Variants in AGAP1 observed in about 807,000 individuals in gnomAD.
The protein encoded by AGAP1 is ArfGAP with GTPase domain, ankyrin repeat and PH domain 1.
Under a neutral mutation model 105.3 loss-of-function variants are expected in AGAP1, and 29 were observed. The observed-to-expected ratio is 0.28, with a 90% CI of 0.21 to 0.38. AGAP1 has a LOEUF of 0.38. Among genes scored for constraint, AGAP1 ranks in the 10% least tolerant of loss-of-function variants. The pLI is 1.00. For missense variants in AGAP1, 998 were observed against 1,165.1 expected (o/e 0.86, Z 2.09); for synonymous variants, 509 against 485.9 (o/e 1.05, Z -0.63).
rs1473143416 is a variant in AGAP1 at position 235,700,755 on chromosome 2, G to A, written c.164-8424G>A. 2.6e-5 allele frequency among the ~76,000 whole-genome samples: 4 copies of A among 151,740 alleles called. No homozygotes were observed. The highest frequency in any genetic ancestry group is 2.1e-4 in the South Asian group (1 of 4,814). ...GCATAGGTTGCAGTGAGCCAAGATT[G>A]TGCCACTGCACTCCAGGCTGGGCGA... On this transcript the variant is annotated intron_variant, in intron 1 of 17. Transcript: ENST00000304032. This position sits in a 1 kb window ranked among gnomAD's most constrained non-coding sequence, Gnocchi z 6.1.
At chr2:235,548,229 A>G (rs1008087203) in intron 1 of AGAP1, among the ~76,000 whole-genome samples, 1 of 152,200 alleles carries the variant, frequency 6.6e-6, no homozygotes, top group African/African-American at 2.4e-5. Context: ...CCTGCACGCC[A>G]CACTGCTCTC....
chr2:235,765,279 GGTATCTGGGAGCGTCTGTGGGGTGGGC>G (rs1305224308), intron 6 of AGAP1, among the ~76,000 whole-genome samples: 1 of 148,910 alleles, frequency 6.7e-6, no homozygotes, highest in African/African-American at 2.5e-5. Context: ...TGGGGGTGGG[GGTATCTGGGAGCGTCTGTGGGGTGGGC>G]GTATCTGGGA....
At chr2:235,997,975 T>C (rs1346121263) in intron 13 of AGAP1, among the ~76,000 whole-genome samples, 1 of 152,226 alleles carries the variant, frequency 6.6e-6, no homozygotes, top group Non-Finnish European at 1.5e-5. Flanking sequence ...GTCACTGTTA[T>C]CTGCTGTTTT....
intron 1 of AGAP1, among the ~76,000 whole-genome samples, chr2:235,576,638 G>T (rs920216396): frequency 2.0e-5 from 3 of 152,208 alleles, no homozygotes; most frequent in Non-Finnish European, 4.4e-5. Context: ...GGCCGTTGAG[G>T]GCAGGTTCGA....
chr2:235,902,063 TA>T (rs1014658417), intron 10 of AGAP1, among the ~76,000 whole-genome samples: 5 of 152,290 alleles, frequency 3.3e-5, no homozygotes, highest in African/African-American at 1.2e-4. Context: ...ATTTTCAAAA[TA>T]AAAAATCATG....
At chr2:236,006,792 C>T (rs1429950920) in intron 13 of AGAP1, among the ~76,000 whole-genome samples, 1 of 152,102 alleles carries the variant, frequency 6.6e-6, no homozygotes, top group Non-Finnish European at 1.5e-5. Flanking sequence ...GGTAGATAAG[C>T]CATGGCTTAT....
rs1374399361 is a variant in AGAP1 at position 235,494,061 on chromosome 2, G to A, written c.-626G>A. 1 of 146,502 alleles carries A rather than the reference G, an allele frequency of 6.8e-6. No homozygotes were observed. Among genetic ancestry groups the A allele is most frequent in the East Asian group, 2.0e-4 (1 of 4,968 alleles). The allele number at this position is 146,502 out of a possible 1,614,324, so 9.1% of individuals were successfully genotyped here. A position where few individuals can be genotyped will look rare whatever the true frequency, so the allele number is the denominator to read the frequency against. On this transcript the variant is annotated 5_prime_UTR_variant, in exon 1 of 18. Coordinates refer to ENST00000304032, the MANE Select transcript of AGAP1 (RefSeq NM_001037131.3). ...GTGGGCCGGAGCCCTGCGTGCCAGG[G>A]AGGGGGCCGGCCGGGCAGGCGGCGG...
intron 11 of AGAP1, among the ~76,000 whole-genome samples, chr2:235,912,909 G>A (rs1263182010): frequency 3.3e-5 from 5 of 152,116 alleles, no homozygotes; most frequent in Admixed American, 1.3e-4. Context: ...ACATGTATTA[G>A]GTGTATGTGT....
chr2:236,023,369 C>T lies in AGAP1; in HGVS notation c.1646-13192C>T, dbSNP rs571118447. On this transcript the variant is annotated intron_variant, in intron 13 of 17. Coordinates refer to ENST00000304032, the MANE Select transcript of AGAP1 (RefSeq NM_001037131.3). ...GGGCTGCTCATGGGCACCAGTCCGT[C>T]GATGGCAGGATGGGAAGTAGGTTCC... is the stretch of plus-strand genomic sequence containing the variant. Among the ~76,000 whole-genome samples, 4 of 152,206 alleles carry T rather than the reference C, an allele frequency of 2.6e-5. No homozygotes were observed. In the East Asian group the frequency reaches 5.8e-4, roughly 22 times the overall value.
At chr2:235,497,702 C>T (rs1281901017) in intron 1 of AGAP1, among the ~76,000 whole-genome samples, 2 of 152,348 alleles carry the variant, frequency 1.3e-5, no homozygotes, top group South Asian at 2.1e-4. Flanking sequence ...TCACGCCATT[C>T]TCCTGCCTCA....
chr2:235,817,456 C>A (rs1266458679), intron 9 of AGAP1, among the ~76,000 whole-genome samples: 1 of 152,032 alleles, frequency 6.6e-6, no homozygotes, highest in Non-Finnish European at 1.5e-5. Context: ...TCTCCTACAT[C>A]TAAAAGTAAA....
chr2:235,751,879 CCTT>C lies in AGAP1; in HGVS notation c.673+1396_673+1398del, dbSNP rs1428774841. On this transcript the variant is annotated intron_variant, in intron 6 of 17. Transcript: ENST00000304032. The surrounding 1 kb of genome is among the most constrained non-coding windows in gnomAD (Gnocchi z 5.3). ...ACAAAGTCGCTGGGGTCCCACAGCC[CCTT>C]CTTCCCTCCACTAACGTATATCTCG... Among the ~76,000 whole-genome samples, 3 of 152,170 alleles carry C rather than the reference CCTT, an allele frequency of 2.0e-5. No homozygotes were observed. Among genetic ancestry groups the C allele is most frequent in the Non-Finnish European group, 4.4e-5 (3 of 68,038 alleles).
chr2:235,903,803 G>A (rs1206514232), intron 10 of AGAP1, among the ~76,000 whole-genome samples: 2 of 152,072 alleles, frequency 1.3e-5, no homozygotes, highest in Non-Finnish European at 2.9e-5. Context: ...CCTCCTTGCT[G>A]GAGCCAAGTG....
At position 236,127,810 on chromosome 2, in the gene AGAP1, T is replaced by C. The variant is rs2060025666; in HGVS notation, c.*3688T>C. On this transcript the variant is annotated 3_prime_UTR_variant, in exon 18 of 18. Transcript: ENST00000304032. This position sits in a 1 kb window ranked among gnomAD's most constrained non-coding sequence, Gnocchi z 6.6. ...CTGGCCCTGCCATCCTTCCAGAGGATTCCTCTGCAACTCTAGGCAAGCACC... is the reference window on the plus strand; with the variant it reads ...CTGGCCCTGCCATCCTTCCAGAGGACTCCTCTGCAACTCTAGGCAAGCACC... 6.6e-6 allele frequency: 1 copy of C among 152,226 alleles called. No homozygotes were observed. Among genetic ancestry groups the C allele is most frequent in the Non-Finnish European group, 1.5e-5 (1 of 68,056 alleles). The allele number at this position is 152,226 out of a possible 1,614,324, so 9.4% of individuals were successfully genotyped here.
chr2:235,717,598 G>A lies in AGAP1; in HGVS notation c.264G>A (p.Val88=), dbSNP rs770338821. The A allele has an allele frequency of 3.7e-6, 6 of 1,604,712 alleles. No individual in the cohort carries two copies. The highest frequency in any genetic ancestry group is 5.1e-6 in the Non-Finnish European group (6 of 1,178,028). ...TGGCCAGCGGCAAGTCTGCCCTGGT[G>A]CACCGGTACCTGACGGGCACATATG... ...GNLASGKSAL[V]HRYLTGTYVQ... is the part of the protein sequence containing the mutation. The change falls in exon 3 of 18, where the codon GTG becomes GTA. Residue 88 remains valine (V), a synonymous_variant. Coordinates refer to ENST00000304032, the MANE Select transcript of AGAP1 (RefSeq NM_001037131.3).
In AGAP1 at chr2:235,788,298, A is replaced by G. The variant is rs1326513042; in HGVS notation, c.674-9461A>G. ...TGGATGTACAAACTCCTAATCCCTA[A>G]GGATAGGAAAAGACCTAGAAGATTT... is the stretch of plus-strand genomic sequence containing the variant. On this transcript the variant is annotated intron_variant, in intron 6 of 17. Coordinates refer to ENST00000304032, the MANE Select transcript of AGAP1 (RefSeq NM_001037131.3). The surrounding 1 kb of genome is among the most constrained non-coding windows in gnomAD (Gnocchi z 6.0). 1.3e-5 allele frequency among the ~76,000 whole-genome samples: 2 copies of G among 152,216 alleles called. No individual in the cohort carries two copies. Among genetic ancestry groups the G allele is most frequent in the African/African-American group, 2.4e-5 (1 of 41,462 alleles).
chr2:235,985,600 A>C (rs1412725458), intron 13 of AGAP1, among the ~76,000 whole-genome samples: 4 of 152,128 alleles, frequency 2.6e-5, no homozygotes, highest in Admixed American at 2.6e-4. Context: ...TTAACTCTTT[A>C]ATTAATCTTG....
Position 235,744,823 on chromosome 2 carries a change from T to C in AGAP1, c.522T>C (p.Val174=), listed in dbSNP as rs1952803417. The stretch of plus-strand genomic sequence containing the variant: ...GGAACACGAGCGAGATTCCTCTGGT[T>C]CTGGTGGGAACCCAGGGTGAGTGAT... ...NYRNTSEIPL[V]LVGTQDAISS... Residue 174 remains valine, a synonymous_variant, in exon 5 of 18, where the codon GTT becomes GTC. Transcript: ENST00000304032. The surrounding 1 kb of genome is among the most constrained non-coding windows in gnomAD (Gnocchi z 5.2). 2 of 1,613,992 alleles carry C rather than the reference T, an allele frequency of 1.2e-6. No homozygotes were observed. Among genetic ancestry groups the C allele is most frequent in the African/African-American group, 2.7e-5 (2 of 74,908 alleles).
intron 9 of AGAP1, among the ~76,000 whole-genome samples, chr2:235,848,441 C>T (rs542829744): frequency 6.6e-6 from 1 of 152,334 alleles, no homozygotes; most frequent in South Asian, 2.1e-4. Flanking sequence ...ATTCAGCTGC[C>T]TGTACCATAT....
Sources: allele counts gnomAD v4.1 joint callset (sites outside exome capture counted in the v4.1 genomes callset), GRCh38; gene constraint gnomAD v4.1.1; non-coding constraint Gnocchi (gnomAD v3.1); transcripts MANE v1.5; gene names NCBI Gene and HGNC (gene_info 2026-07-23, HGNC 2026-07-21).